The following POLD1 variants were observed in gnomAD, a reference collection of about 807,000 sequenced individuals.
POLD1 encodes DNA polymerase delta catalytic subunit.
In POLD1, 79 loss-of-function variants were observed where a neutral mutation model predicts 129.7. That is an observed-to-expected ratio of 0.61 (90% CI 0.51 to 0.73). POLD1 has a LOEUF of 0.73. Among genes scored for constraint, POLD1 ranks in the 30% least tolerant of loss-of-function variants. The pLI is 0.00. For synonymous variants in POLD1, 714 were observed against 683.3 expected, an observed-to-expected ratio of 1.04 and a Z score of -0.70; for missense variants, 1,338 against 1,595.8, an observed-to-expected ratio of 0.84 and a Z score of 2.75.
rs1238366036 is a variant in POLD1, at chr19:50,402,344, C to T, written c.729C>T (p.Pro243=). Residue 243 remains proline (P), a synonymous_variant, in exon 6 of 27, where the codon CCC becomes CCT. Transcript: ENST00000440232. ...GCCTGGGCACGCCCAGCTTCGCGCC[C>T]TACGAGGCCAACGTCGACTTTGAGA... The part of the protein sequence containing the change: ...VAGLGTPSFA[P]YEANVDFEIR... 1 of 1,611,038 alleles carries T rather than the reference C, an allele frequency of 6.2e-7. No individual in the cohort carries two copies. The highest frequency in any genetic ancestry group is 8.5e-7 in the Non-Finnish European group (1 of 1,177,820).
At chr19:50,401,251 A>G (rs956761087) in intron 3 of POLD1, among the ~76,000 whole-genome samples, 4 of 147,226 alleles carry the variant, frequency 2.7e-5, no homozygotes, top group Non-Finnish European at 6.0e-5. Flanking sequence ...ATATATATAT[A>G]TGATATATTC....
At chr19:50,395,924 T>C (rs540085890) in intron 1 of POLD1, among the ~76,000 whole-genome samples, 1 of 145,566 alleles carries the variant, frequency 6.9e-6, no homozygotes, top group African/African-American at 2.6e-5. Context: ...TGCCATCTTG[T>C]CCAGTCCAGT....
At chr19:50,408,632 C>T (rs925825482) in intron 14 of POLD1, 153 bp from the exon 15 acceptor site, 13 of 1,181,400 alleles carry the variant, frequency 1.1e-5, no homozygotes, top group African/African-American at 3.1e-5. Flanking sequence ...ATCCTCCTGC[C>T]TCAGCCTCCC....
intron 1 of POLD1, among the ~76,000 whole-genome samples, chr19:50,396,978 C>T (rs2038391529): frequency 6.6e-6 from 1 of 151,062 alleles, no homozygotes; most frequent in Admixed American, 6.6e-5. Context: ...ACCTGTGATC[C>T]CAGCTACTCA....
At chr19:50,404,046 G>A (rs2038771758) in intron 10 of POLD1, among the ~76,000 whole-genome samples, 1 of 152,126 alleles carries the variant, frequency 6.6e-6, no homozygotes, top group Admixed American at 6.6e-5. Context: ...GTAACAAAGA[G>A]CCACAGACCA....
intron 3 of POLD1, among the ~76,000 whole-genome samples, chr19:50,399,758 G>A (rs902546146): frequency 2.0e-5 from 3 of 152,364 alleles, no homozygotes; most frequent in Non-Finnish European, 4.4e-5. Context: ...GCTGCAGCCT[G>A]TGCAAGGACC....
chr19:50,399,600 C>T lies in POLD1; in HGVS notation c.316+116C>T, dbSNP rs541630159. On this transcript the variant is annotated intron_variant, in intron 3 of 26. Coordinates refer to ENST00000440232, the MANE Select transcript of POLD1 (RefSeq NM_002691.4). ...GGGCAGAGGCCGGGCCAGGTCAGCC[C>T]CTCTGGCTCTGCCCCTCTGGTTGCC... 76 of 725,290 alleles carry T rather than the reference C, an allele frequency of 1.0e-4. 1 individual carries two copies. The East Asian group carries it at 2.0e-3, about 19-fold the overall frequency. The allele number at this position is 725,290 out of a possible 1,614,324, so 44.9% of individuals were successfully genotyped here.
At chr19:50,407,255 C>A in intron 13 of POLD1, 72 bp from the exon 14 acceptor site, 4 of 1,547,244 alleles carry the variant, frequency 2.6e-6, no homozygotes, top group Non-Finnish European at 3.5e-6. Flanking sequence ...CCTGGATGCA[C>A]TTTTTCTCCC....
At chr19:50,415,685 CACCTGCCCTCA>C in intron 21 of POLD1, 28 bp from the exon 22 acceptor site, 4 of 1,463,110 alleles carry the variant, frequency 2.7e-6, no homozygotes, top group Non-Finnish European at 3.7e-6. Context: ...CCCCGCCACC[CACCTGCCCTCA>C]CCCACCCGCC....
chr19:50,399,348 A>C, intron 2 of POLD1, 23 bp from the exon 3 acceptor site: 9 of 1,573,700 alleles, frequency 5.7e-6, no homozygotes, highest in Non-Finnish European at 7.9e-6. Context: ...CATGTACTCC[A>C]CTTCCTTCCC....
Position 50,413,812 on chromosome 19 carries a change from TG to T in POLD1, c.2325del (p.Arg776GlyfsTer112). ...GVSSVAEAMA[L>X]GREAADWVSG... is the part of the protein sequence containing the mutation. The stretch of plus-strand genomic sequence containing the variant: ...TCCTCGGTGGCTGAGGCGATGGCCC[TG>T]GGGCGGGAGGCCGCGGACTGGGTGT... On this transcript the variant is annotated frameshift_variant, in exon 19 of 27. Transcript: ENST00000440232. LOFTEE classifies it high-confidence loss of function. 6.2e-7 allele frequency: 1 copy of T among 1,612,542 alleles called. No individual in the cohort carries two copies. Among genetic ancestry groups the T allele is most frequent in the Non-Finnish European group, 8.5e-7 (1 of 1,179,602 alleles).
chr19:50,416,134 C>G (rs961887165), intron 22 of POLD1: 4 of 585,724 alleles, frequency 6.8e-6, no homozygotes, highest in Non-Finnish European at 1.2e-5. Flanking sequence ...CACATCTTAG[C>G]CCCATGACCT....
chr19:50,389,834 C>T (rs2038092487), intron 1 of POLD1, among the ~76,000 whole-genome samples: 1 of 151,844 alleles, frequency 6.6e-6, no homozygotes, highest in Non-Finnish European at 1.5e-5. Flanking sequence ...GATCCGCCCG[C>T]CTTGGGCTCC....
rs1057523239 is a variant in POLD1, at chr19:50,415,549, C to T, written c.2676C>T (p.Ser892=). The T allele has an allele frequency of 1.4e-5, 22 of 1,612,618 alleles. No homozygotes were observed. The highest frequency in any genetic ancestry group is 2.2e-5 in the South Asian group (2 of 91,012). Residue 892 remains serine (S), a synonymous_variant, in exon 21 of 27, where the codon TCC becomes TCT. Transcript: ENST00000440232. ...CCAAGGAGCTGACCCGCGCGGCCTC[C>T]GACTATGCCGGCAAGCAGGCCCACG... ...VITKELTRAA[S]DYAGKQAHVE...
At position 50,416,702 on chromosome 19, in the gene POLD1, C is replaced by T. The variant is rs371667262; in HGVS notation, c.3046C>T (p.Arg1016Cys). The T allele has an allele frequency of 5.8e-6, 9 of 1,541,950 alleles. No homozygotes were observed. The highest frequency in any genetic ancestry group is 5.5e-5 in the African/African-American group (4 of 73,064). ...AKRRNCCIGCRTVLSHQGAVC... is the reference protein window; with the variant it reads ...AKRRNCCIGCCTVLSHQGAVC... Reference sequence around the variant, plus strand: ...ACGCCGCAACTGCTGCATTGGCTGCCGCACAGTGCTCAGCCACCAGGGTGA... The same window carrying T: ...ACGCCGCAACTGCTGCATTGGCTGCTGCACAGTGCTCAGCCACCAGGGTGA... The change falls in exon 24 of 27, where the codon CGC becomes TGC. Residue 1016 changes from arginine (R) to cysteine (C), a missense_variant. Arg to Cys is a radical substitution (Grantham distance 180). Coordinates refer to ENST00000440232, the MANE Select transcript of POLD1 (RefSeq NM_002691.4).
intron 1 of POLD1, among the ~76,000 whole-genome samples, chr19:50,393,010 GTTAGGTGGT>G (rs2038225141): frequency 6.6e-6 from 1 of 152,246 alleles, no homozygotes; most frequent in African/African-American, 2.4e-5. Context: ...GGGGAGGACA[GTTAGGTGGT>G]TTCCAGTCCT....
chr19:50,399,401 G>A lies in POLD1; in HGVS notation c.233G>A (p.Arg78His), dbSNP rs750825686. The A allele has an allele frequency of 7.4e-6, 12 of 1,613,940 alleles. No homozygotes were observed. The highest frequency in any genetic ancestry group is 5.5e-5 in the South Asian group (5 of 91,084). The change falls in exon 3 of 27, where the codon CGC becomes CAC. Residue 78 changes from arginine (R) to histidine (H), a missense_variant. Transcript: ENST00000440232. Reference sequence around the variant, plus strand: ...GTCCCACCATCAGCCATAGATCCTCGCTGGCTTCGGCCCACACCACCAGCG... The same window carrying A: ...GTCCCACCATCAGCCATAGATCCTCACTGGCTTCGGCCCACACCACCAGCG... The part of the protein sequence containing the change: ...GQVPPSAIDP[R>H]WLRPTPPALD...
In POLD1 at chr19:50,402,056, G is replaced by T. The variant is rs141976385; in HGVS notation, c.521G>T (p.Arg174Leu). 1 of 1,614,112 alleles carries T rather than the reference G, an allele frequency of 6.2e-7. No individual in the cohort carries two copies. Among genetic ancestry groups the T allele is most frequent in the Non-Finnish European group, 8.5e-7 (1 of 1,179,990 alleles). ...CGGGAGCTGAACTTGGCCATCAGCCGGGACAGTCGCGGGGGGAGGGAGCTG... is the reference window on the plus strand; with the variant it reads ...CGGGAGCTGAACTTGGCCATCAGCCTGGACAGTCGCGGGGGGAGGGAGCTG... ...LQRELNLAIS[R>L]DSRGGRELTG... is the part of the protein sequence containing the mutation. The change falls in exon 5 of 27, where the codon CGG (arginine) becomes CTG (leucine). Residue 174 changes from arginine to leucine, a missense_variant. This residue lies in a region of POLD1 where 332 missense variants were observed against 315.7 expected (regional missense o/e 1.05). Coordinates refer to ENST00000440232, the MANE Select transcript of POLD1 (RefSeq NM_002691.4).
intron 26 of POLD1, 85 bp downstream of exon 26, chr19:50,417,354 A>G (rs914368040): frequency 3.8e-5 from 32 of 852,036 alleles, no homozygotes; most frequent in Non-Finnish European, 5.4e-5. Context: ...TCTGACTCCA[A>G]GGCCTCTCCT....
Sources: allele counts gnomAD v4.1 joint callset (sites outside exome capture counted in the v4.1 genomes callset), GRCh38; gene constraint gnomAD v4.1.1; regional missense constraint gnomAD v4.1.1; transcripts MANE v1.5; gene names NCBI Gene and HGNC (gene_info 2026-07-23, HGNC 2026-07-21).